ALCAM: variants seen among roughly 807,000 people sequenced by gnomAD.
ALCAM encodes the protein CD166 antigen.
Under a neutral mutation model 70.9 loss-of-function variants are expected in ALCAM, and 30 were observed. The ratio of observed to expected loss-of-function variants is 0.42; its 90% CI spans 0.32 to 0.57. The LOEUF (loss-of-function observed/expected upper bound fraction) is 0.57. Ranked by LOEUF, ALCAM falls within the 20% of genes least tolerant of loss-of-function variation. ALCAM has a pLI of 0.11. For synonymous variants in ALCAM, 249 were observed against 242.5 expected (o/e 1.03, Z -0.25); for missense variants, 591 against 695.1 (o/e 0.85, Z 1.68).
intron 1 of ALCAM, among the ~76,000 whole-genome samples, chr3:105,402,118 A>G (rs1455276916): frequency 3.3e-5 from 5 of 152,238 alleles, no homozygotes; most frequent in African/African-American, 7.2e-5. Context: ...TAAGGCTTAT[A>G]CAGAAAGTAA....
In ALCAM at chr3:105,541,679, A is replaced by G. The variant is rs781712000; in HGVS notation, c.905A>G (p.Asp302Gly). 34 of 1,612,258 alleles carry G rather than the reference A, an allele frequency of 2.1e-5. No individual in the cohort carries two copies. Among genetic ancestry groups the G allele is most frequent in the Non-Finnish European group, 2.8e-5 (33 of 1,178,820 alleles). The change falls in exon 8 of 16, where the codon GAT becomes GGT. Residue 302 changes from aspartate to glycine, a missense_variant. By Grantham distance (94) the Asp-to-Gly change is moderately conservative. Transcript: ENST00000306107. ...AGCTCAAATACTTACACACTGACGG[A>G]TGTGAGGCGCAATGCAACAGGAGAC... ...IRSSNTYTLT[D>G]VRRNATGDYK...
intron 9 of ALCAM, among the ~76,000 whole-genome samples, chr3:105,546,462 CTAAAA>C (rs1940250763): frequency 6.6e-6 from 1 of 151,396 alleles, no homozygotes; most frequent in Non-Finnish European, 1.5e-5. Flanking sequence ...AACTTGTTCA[CTAAAA>C]TAAAGTGCCA....
chr3:105,519,949 T>C (rs539421203), intron 1 of ALCAM, 118 bp from the exon 2 acceptor site: 1 of 585,248 alleles, frequency 1.7e-6, no homozygotes, highest in African/African-American at 1.9e-5. Flanking sequence ...AATAAAACTA[T>C]AGCAGATGAC....
intron 3 of ALCAM, chr3:105,525,431 C>T: frequency 1.1e-6 from 1 of 880,880 alleles, no homozygotes; most frequent in African/African-American, 1.8e-5. Flanking sequence ...TTAGACACTA[C>T]AGGGAACGAA....
intron 14 of ALCAM, among the ~76,000 whole-genome samples, chr3:105,563,243 T>A (rs1267794429): frequency 6.6e-6 from 1 of 151,980 alleles, no homozygotes; most frequent in Non-Finnish European, 1.5e-5. Context: ...TTATCCCTTT[T>A]ATGCCTATGG....
chr3:105,475,085 G>A (rs950219906), intron 1 of ALCAM, among the ~76,000 whole-genome samples: 1 of 151,810 alleles, frequency 6.6e-6, no homozygotes, highest in African/African-American at 2.4e-5. Context: ...CACCCATTTA[G>A]TCCCTGCAGT....
At chr3:105,368,231 G>GAGAGAGAGAGAGAGAGAGAA (rs1935125252) in intron 1 of ALCAM, among the ~76,000 whole-genome samples, 1 of 144,730 alleles carries the variant, frequency 6.9e-6, no homozygotes, top group Admixed American at 6.9e-5. Context: ...GGAAGAGAGA[G>GAGAGAGAGAGAGAGAGAGAA]AGAGAGAGAG....
intron 1 of ALCAM, among the ~76,000 whole-genome samples, chr3:105,378,598 G>A (rs1376053821): frequency 6.7e-6 from 1 of 149,814 alleles, no homozygotes; most frequent in Non-Finnish European, 1.5e-5. Context: ...GTTCCACCCA[G>A]CCTCAATGGA....
chr3:105,380,359 G>A (rs949460200), intron 1 of ALCAM, among the ~76,000 whole-genome samples: 1 of 151,716 alleles, frequency 6.6e-6, no homozygotes, highest in Non-Finnish European at 1.5e-5. Flanking sequence ...AATTTAAATG[G>A]TTTCAATTTT....
intron 1 of ALCAM, among the ~76,000 whole-genome samples, chr3:105,456,308 G>A (rs958932771): frequency 6.6e-6 from 1 of 152,136 alleles, no homozygotes; most frequent in Non-Finnish European, 1.5e-5. Flanking sequence ...GCTGGACAAA[G>A]CCAAGAACAG....
At chr3:105,515,642 G>A (rs7613684) in intron 1 of ALCAM, among the ~76,000 whole-genome samples, 72,544 of 151,766 alleles carry the variant, frequency 0.48, 17,932 homozygotes, top group East Asian at 0.8. Context: ...ATGGGTAGAG[G>A]CAAGGCTACT....
intron 1 of ALCAM, among the ~76,000 whole-genome samples, chr3:105,370,741 C>T (rs910119481): frequency 2.6e-4 from 39 of 151,124 alleles, no homozygotes; most frequent in African/African-American, 6.1e-4. Context: ...AAAAAAAAAG[C>T]GTGAAGGAGA....
intron 1 of ALCAM, among the ~76,000 whole-genome samples, chr3:105,429,210 A>G (rs931947544): frequency 7.2e-5 from 11 of 151,978 alleles, no homozygotes; most frequent in Admixed American, 5.9e-4. Context: ...CCACATCAGT[A>G]GACTCAGAAT....
chr3:105,457,565 T>A lies in ALCAM; in HGVS notation c.74-62502T>A, dbSNP rs558814677. Among the ~76,000 whole-genome samples the A allele has an allele frequency of 4.8e-3, 726 of 150,344 alleles. 8 individuals carry two copies. The highest frequency in any genetic ancestry group is 9.4e-3 in the Admixed American group (141 of 15,076). ...TGAACCTAAAAGTTAAAAAAAAAAA[T>A]TTTTTTTTAAATGTTAAGAAAACGA... On this transcript the variant is annotated intron_variant, in intron 1 of 15. Transcript: ENST00000306107.
At chr3:105,467,272 A>G (rs374244077) in intron 1 of ALCAM, among the ~76,000 whole-genome samples, 1 of 151,180 alleles carries the variant, frequency 6.6e-6, no homozygotes, top group African/African-American at 2.4e-5. Flanking sequence ...AGTTTGGTGC[A>G]CTTGTGGGTG....
intron 1 of ALCAM, among the ~76,000 whole-genome samples, chr3:105,376,212 A>G (rs1298148018): frequency 6.6e-6 from 1 of 152,128 alleles, no homozygotes; most frequent in African/African-American, 2.4e-5. Context: ...TTGTTGGAAA[A>G]ATGAGAATGT....
At chr3:105,552,079 TA>T in intron 12 of ALCAM, 64 bp from the exon 13 acceptor site, 3 of 1,199,180 alleles carry the variant, frequency 2.5e-6, no homozygotes, top group South Asian at 1.5e-5. Flanking sequence ...ACTATAATGG[TA>T]AAGGTGACTT....
At chr3:105,560,866 G>A (rs772990993) in intron 14 of ALCAM, among the ~76,000 whole-genome samples, 1 of 152,140 alleles carries the variant, frequency 6.6e-6, no homozygotes, top group East Asian at 1.9e-4. Context: ...TAATCTTCTG[G>A]TTGTTTCAGA....
intron 1 of ALCAM, among the ~76,000 whole-genome samples, chr3:105,467,218 T>C (rs1937765995): frequency 6.6e-6 from 1 of 151,308 alleles, no homozygotes; most frequent in African/African-American, 2.4e-5. Flanking sequence ...TATTAGTTTC[T>C]TTTTCATCAT....
Sources: gnomAD v4.1 joint callset for allele counts (sites outside exome capture counted in the v4.1 genomes callset) on GRCh38, gnomAD v4.1.1 for gene constraint, MANE v1.5 for transcripts, NCBI Gene and HGNC (gene_info 2026-07-23, HGNC 2026-07-21) for gene names.